The following UNC5C variants were observed in gnomAD, a reference collection of about 807,000 sequenced individuals.
UNC5C encodes unc-5 netrin receptor C.
Under a neutral mutation model 99.8 loss-of-function variants are expected in UNC5C, and 47 were observed. The observed-to-expected ratio is 0.47, with a 90% CI of 0.37 to 0.60. The LOEUF (loss-of-function observed/expected upper bound fraction) is 0.60, where lower values mean the gene tolerates loss of function less well. UNC5C is among the 20% of genes least tolerant of loss of function. UNC5C has a pLI of 0.00. For synonymous variants in UNC5C, 487 were observed against 452.2 expected, an observed-to-expected ratio of 1.08 and a Z score of -0.98; for missense variants, 1,062 against 1,165.9, an observed-to-expected ratio of 0.91 and a Z score of 1.30.
At chr4:95,527,618 T>C (rs978457996) in intron 1 of UNC5C, among the ~76,000 whole-genome samples, 1 of 152,148 alleles carries the variant, frequency 6.6e-6, no homozygotes, top group African/African-American at 2.4e-5. Context: ...ATTGCTTTTG[T>C]AATTACTATT....
chr4:95,389,737 C>T (rs988934781), intron 1 of UNC5C, among the ~76,000 whole-genome samples: 2 of 151,784 alleles, frequency 1.3e-5, no homozygotes, highest in African/African-American at 2.4e-5. Flanking sequence ...TTAAAATCCA[C>T]ATTTGATGTG....
At chr4:95,546,447 T>A (rs1723070604) in intron 1 of UNC5C, among the ~76,000 whole-genome samples, 1 of 152,126 alleles carries the variant, frequency 6.6e-6, no homozygotes, top group South Asian at 2.1e-4. Context: ...CTTTGATAAC[T>A]AACAGACAAC....
intron 1 of UNC5C, among the ~76,000 whole-genome samples, chr4:95,402,693 C>G (rs1314922787): frequency 6.6e-6 from 1 of 152,186 alleles, no homozygotes; most frequent in Non-Finnish European, 1.5e-5. Context: ...CATTTAGCAA[C>G]TATGTCTCTT....
intron 1 of UNC5C, among the ~76,000 whole-genome samples, chr4:95,533,388 C>A (rs564267613): frequency 4.0e-5 from 6 of 151,518 alleles, no homozygotes; most frequent in African/African-American, 1.4e-4. Flanking sequence ...AAGAGCAGAA[C>A]TCCGTCTCAA....
At chr4:95,396,218 C>T (rs1745504506) in intron 1 of UNC5C, among the ~76,000 whole-genome samples, 1 of 152,128 alleles carries the variant, frequency 6.6e-6, no homozygotes, top group African/African-American at 2.4e-5. Context: ...TATCAGAACA[C>T]ATGAATTCAG....
At chr4:95,247,183 T>C (rs1739533958) in intron 5 of UNC5C, among the ~76,000 whole-genome samples, 1 of 152,116 alleles carries the variant, frequency 6.6e-6, no homozygotes, top group Non-Finnish European at 1.5e-5. Context: ...CTTTAATGGA[T>C]GTATATTTGC....
intron 1 of UNC5C, among the ~76,000 whole-genome samples, chr4:95,485,951 CA>C (rs1278383938): frequency 1.3e-5 from 2 of 151,220 alleles, no homozygotes; most frequent in South Asian, 2.1e-4. Flanking sequence ...CTGCGATCAT[CA>C]AAAAAAGTTG....
At chr4:95,266,565 T>C (rs1247478363) in intron 4 of UNC5C, among the ~76,000 whole-genome samples, 1 of 152,194 alleles carries the variant, frequency 6.6e-6, no homozygotes, top group Non-Finnish European at 1.5e-5. Flanking sequence ...CCTAGACTCA[T>C]GGTTTTATAG....
chr4:95,222,706 G>A (rs1738515961), intron 7 of UNC5C, among the ~76,000 whole-genome samples: 15 of 151,934 alleles, frequency 9.9e-5, no homozygotes. Context: ...CTTGGTCTAA[G>A]AGAACTAAAG....
chr4:95,392,274 G>A (rs1462431492), intron 1 of UNC5C, among the ~76,000 whole-genome samples: 1 of 151,826 alleles, frequency 6.6e-6, no homozygotes, highest in African/African-American at 2.4e-5. Flanking sequence ...AGCATCTTCT[G>A]TGAGTCAATA....
At chr4:95,269,636 C>A (rs766187064) in intron 4 of UNC5C, among the ~76,000 whole-genome samples, 7 of 151,862 alleles carry the variant, frequency 4.6e-5, no homozygotes, top group Non-Finnish European at 1.0e-4. Flanking sequence ...AGTTCTGGGT[C>A]TGAGATTCTA....
At chr4:95,219,879 C>T in intron 8 of UNC5C, 106 bp downstream of exon 8, 12 of 1,246,738 alleles carry the variant, frequency 9.6e-6, no homozygotes, top group South Asian at 4.6e-5. Context: ...AAATTGCTGT[C>T]TTCATGGAGC....
intron 1 of UNC5C, among the ~76,000 whole-genome samples, chr4:95,386,388 C>A (rs1427211669): frequency 2.0e-5 from 3 of 152,084 alleles, no homozygotes; most frequent in South Asian, 2.1e-4. Flanking sequence ...CCCACAACAA[C>A]TTTTGAGCCC....
At chr4:95,231,634 T>G (rs940959722) in intron 7 of UNC5C, among the ~76,000 whole-genome samples, 2 of 151,882 alleles carry the variant, frequency 1.3e-5, no homozygotes, top group South Asian at 4.2e-4. Flanking sequence ...CCCAATTACA[T>G]TTGTTCTGAT....
chr4:95,271,232 A>AT (rs201364522), intron 4 of UNC5C, among the ~76,000 whole-genome samples: 8,530 of 112,226 alleles, frequency 0.076, 721 homozygotes, highest in African/African-American at 0.22. Flanking sequence ...TTTTTTATTT[A>AT]TTTTTTTTTT....
At chr4:95,303,737 G>C (rs1460495190) in intron 2 of UNC5C, among the ~76,000 whole-genome samples, 1 of 152,118 alleles carries the variant, frequency 6.6e-6, no homozygotes, top group Admixed American at 6.5e-5. Flanking sequence ...GCAAGTAGAT[G>C]ACATGATCAG....
Position 95,220,146 on chromosome 4 carries a change from TAGAG to T in UNC5C, c.1135_1138del (p.Leu379MetfsTer5). 6.2e-7 allele frequency: 1 copy of T among 1,613,822 alleles called. No individual in the cohort carries two copies. The highest frequency in any genetic ancestry group is 1.3e-5 in the African/African-American group (1 of 75,030). On this transcript the variant is annotated frameshift_variant, in exon 8 of 16. Transcript: ENST00000453304. LOFTEE classifies it high-confidence loss of function. The stretch of plus-strand genomic sequence containing the variant: ...GATCACTGCTATCACAATCCCAACA[TAGAG>T]AGCAACATCATCTGAATCAGGAGCA...
intron 4 of UNC5C, among the ~76,000 whole-genome samples, chr4:95,257,505 A>G (rs1468431663): frequency 6.6e-6 from 1 of 152,206 alleles, no homozygotes; most frequent in Non-Finnish European, 1.5e-5. Context: ...AGGACAGGAC[A>G]TATGAGTTGA....
chr4:95,256,699 A>AATATATATATATAT (rs377553615), intron 4 of UNC5C, among the ~76,000 whole-genome samples: 10 of 90,676 alleles, frequency 1.1e-4, no homozygotes, highest in African/African-American at 2.9e-4. Flanking sequence ...GAACTAAATA[A>AATATATATATATAT]ATATATATAT....
Sources: gnomAD v4.1 joint callset for allele counts (sites outside exome capture counted in the v4.1 genomes callset) on GRCh38, gnomAD v4.1.1 for gene constraint, MANE v1.5 for transcripts, NCBI Gene and HGNC (gene_info 2026-07-23, HGNC 2026-07-21) for gene names.